Variants in TSBP1 observed in about 807,000 individuals in gnomAD.
TSBP1 encodes the protein testis-expressed basic protein 1.
TSBP1 carries 56 observed loss-of-function variants against 68.8 expected under a neutral mutation model. The observed-to-expected ratio is 0.81, with a 90% CI of 0.66 to 1.02. The LOEUF (loss-of-function observed/expected upper bound fraction) is 1.02. TSBP1 is among the 50% of genes least tolerant of loss of function. The pLI, the probability that TSBP1 is intolerant of heterozygous loss-of-function variation, is 0.00. For missense variants in TSBP1, 502 were observed against 641.2 expected (o/e 0.78, Z 2.34); for synonymous variants, 171 against 208.7 (o/e 0.82, Z 1.56).
chr6:32,339,045 A>C, intron 10 of TSBP1, 46 bp from the exon 12 acceptor site: 1 of 1,544,876 alleles, frequency 6.5e-7, no homozygotes, highest in African/African-American at 1.4e-5. Flanking sequence ...GCATGACTCA[A>C]GGGTGTTTAT....
rs1298015073 is a variant in TSBP1, at chr6:32,333,273, G to A, written c.473-1219C>T. On this transcript the variant is annotated intron_variant, in intron 14 of 22. Coordinates refer to ENST00000612031, the Ensembl canonical transcript of TSBP1. This position sits in a 1 kb window ranked among gnomAD's most constrained non-coding sequence, Gnocchi z 4.2. ...GATCCCCTGGTCTTAGCCTCCCAAA[G>A]TGCTGGGATTACTGCACCCAGCCGA... Among the ~76,000 whole-genome samples the A allele has an allele frequency of 6.6e-6, 1 of 151,946 alleles. No homozygotes were observed. Among genetic ancestry groups the A allele is most frequent in the East Asian group, 1.9e-4 (1 of 5,184 alleles).
rs7751028 is a variant in TSBP1, at chr6:32,293,237, C to T, written c.1436G>A (p.Gly479Asp). The change falls in exon 23 of 23, where the codon GGT becomes GAT. Residue 479 changes from glycine to aspartate, a missense_variant. Coordinates refer to ENST00000612031, the Ensembl canonical transcript of TSBP1. ...TTGGGCTTCCTGTCCTTTTAGTACA[C>T]CTGACTCACTCTTCTTTACTTGGGA... The T allele has an allele frequency of 3.7e-6, 6 of 1,612,066 alleles. No homozygotes were observed. The Admixed American group carries it at 8.3e-5, about 22-fold the overall frequency.
chr6:32,359,457 T>G (rs190341695), intron 6 of TSBP1, among the ~76,000 whole-genome samples: 6 of 152,354 alleles, frequency 3.9e-5, no homozygotes, highest in Admixed American at 3.9e-4. Context: ...TTTAGAAGTC[T>G]CTGTTCATAT....
chr6:32,298,729 G>A (rs6906662), intron 22 of TSBP1, among the ~76,000 whole-genome samples: 10,359 of 152,294 alleles, frequency 0.068, 409 homozygotes, highest in South Asian at 0.098. Flanking sequence ...GTTTGTGTCA[G>A]TGTTTGGAAT....
chr6:32,368,328 A>G (rs771202591), intron 3 of TSBP1, among the ~76,000 whole-genome samples: 43 of 152,154 alleles, frequency 2.8e-4, no homozygotes, highest in Non-Finnish European at 4.7e-4. Flanking sequence ...TCAATTCTTC[A>G]CATCCTGAAG....
chr6:32,329,518 A>G (rs978173249), intron 16 of TSBP1, among the ~76,000 whole-genome samples: 8 of 152,218 alleles, frequency 5.3e-5, no homozygotes, highest in Admixed American at 5.2e-4. Flanking sequence ...TAGAACCAGA[A>G]TTCAGGGCAG....
chr6:32,306,907 A>AT lies in TSBP1; in HGVS notation c.581-4279dup, dbSNP rs1765822146. ...AAAGTATTCATTTTGCAGTATTTCC[A>AT]TTTTTTTAGTGCATTTTCTTATGAT... On this transcript the variant is annotated intron_variant, in intron 19 of 22. Transcript: ENST00000612031. The surrounding 1 kb of genome is among the most constrained non-coding windows in gnomAD (Gnocchi z 5.1). Among the ~76,000 whole-genome samples the AT allele has an allele frequency of 6.6e-6, 1 of 151,958 alleles. No homozygotes were observed. The highest frequency in any genetic ancestry group is 2.1e-4 in the South Asian group (1 of 4,816).
At position 32,343,808 on chromosome 6, in the gene TSBP1, C is replaced by T. The variant is rs774709691; in HGVS notation, c.350-4170G>A. On this transcript the variant is annotated intron_variant, in intron 9 of 22. Coordinates refer to ENST00000612031, the Ensembl canonical transcript of TSBP1. The surrounding 1 kb of genome is among the most constrained non-coding windows in gnomAD (Gnocchi z 4.3). ...ATTCCTTAAACATTTTTTTCTTTAA[C>T]GTACTGACCATCTTCCCTCTCCAAC... Among the ~76,000 whole-genome samples the T allele has an allele frequency of 2.8e-4, 42 of 152,192 alleles. No individual in the cohort carries two copies. The highest frequency in any genetic ancestry group is 1.1e-3 in the Admixed American group (17 of 15,292).
intron 2 of TSBP1, among the ~76,000 whole-genome samples, chr6:32,369,612 G>A (rs1048418891): frequency 2.6e-5 from 4 of 152,152 alleles, no homozygotes; most frequent in Non-Finnish European, 2.9e-5. Context: ...CTTGTGATCC[G>A]CCCGCCTTGG....
chr6:32,310,761 A>ATATATATATTTTTTTTTTTTTTTTTTT, intron 19 of TSBP1, among the ~76,000 whole-genome samples: 10 of 144,826 alleles, frequency 6.9e-5, no homozygotes, highest in South Asian at 2.2e-4. Context: ...ATATATATAT[A>ATATATATATTTTTTTTTTTTTTTTTTT]TTTTTAATCT....
Position 32,335,066 on chromosome 6 carries a change from C to G in TSBP1, c.472+371G>C, listed in dbSNP as rs73396921. Among the ~76,000 whole-genome samples the G allele has an allele frequency of 3.7e-3, 569 of 152,052 alleles. 3 individuals are homozygous for G. The highest frequency in any genetic ancestry group is 0.012 in the African/African-American group (511 of 41,464). On this transcript the variant is annotated intron_variant, in intron 14 of 22. Transcript: ENST00000612031. The surrounding 1 kb of genome is among the most constrained non-coding windows in gnomAD (Gnocchi z 5.5). ...ATAAAGAAAGGAAACTTAAAATTTG[C>G]ATTATTTTACAAAGTGAAGATAATC...
chr6:32,301,055 C>T (rs114555625), intron 20 of TSBP1, among the ~76,000 whole-genome samples: 7,000 of 151,904 alleles, frequency 0.046, 360 homozygotes, highest in African/African-American at 0.13. Context: ...TTTTTTGAGA[C>T]AGGGTCTCAG....
At position 32,316,369 on chromosome 6, in the gene TSBP1, G is replaced by T. The variant is rs1485004435; in HGVS notation, c.560-577C>A. On this transcript the variant is annotated intron_variant, in intron 18 of 22. Coordinates refer to ENST00000612031, the Ensembl canonical transcript of TSBP1. This position sits in a 1 kb window ranked among gnomAD's most constrained non-coding sequence, Gnocchi z 4.5. ...GTGAAGGGGACCAAAGAGAACCAAA[G>T]TAGAAAAAGACATGTAATACTTACT... The T allele has an allele frequency of 5.7e-6, 9 of 1,568,832 alleles. No homozygotes were observed. The highest frequency in any genetic ancestry group is 2.3e-5 in the East Asian group (1 of 43,438).
At position 32,306,703 on chromosome 6, in the gene TSBP1, C is replaced by A. The variant is rs1325321420; in HGVS notation, c.581-4074G>T. On this transcript the variant is annotated intron_variant, in intron 19 of 22. Coordinates refer to ENST00000612031, the Ensembl canonical transcript of TSBP1. This position sits in a 1 kb window ranked among gnomAD's most constrained non-coding sequence, Gnocchi z 5.1. Reference sequence around the variant, plus strand: ...ATGGAACTATTATTCAATTTAAGAACATATAAAGCAAGTTGTCTGTCCCTC... The same window carrying A: ...ATGGAACTATTATTCAATTTAAGAAAATATAAAGCAAGTTGTCTGTCCCTC... 6.6e-6 allele frequency among the ~76,000 whole-genome samples: 1 copy of A among 152,130 alleles called. No individual in the cohort carries two copies. The highest frequency in any genetic ancestry group is 1.5e-5 in the Non-Finnish European group (1 of 68,012).
Position 32,365,554 on chromosome 6 carries a change from G to A in TSBP1, c.217+613C>T. The A allele has an allele frequency of 2.2e-6, 1 of 456,494 alleles. No homozygotes were observed. The highest frequency in any genetic ancestry group is 4.4e-6 in the Non-Finnish European group (1 of 226,848). The allele number at this position is 456,494 out of a possible 1,614,324, so 28.3% of individuals were successfully genotyped here. A position where few individuals can be genotyped will look rare whatever the true frequency, so the allele number is the denominator to read the frequency against. On this transcript the variant is annotated intron_variant, in intron 6 of 22. Transcript: ENST00000612031. This position sits in a 1 kb window ranked among gnomAD's most constrained non-coding sequence, Gnocchi z 4.3. ...CCTCTCCTAACCATTCAACTATGCT[G>A]ATCATCTCAATGTTCTGGGTGGAGT...
intron 19 of TSBP1, among the ~76,000 whole-genome samples, chr6:32,303,195 G>C (rs1765470315): frequency 6.6e-6 from 1 of 152,028 alleles, no homozygotes; most frequent in South Asian, 2.1e-4. Flanking sequence ...ATATTGCCTG[G>C]CTAATTCTCT....
intron 22 of TSBP1, among the ~76,000 whole-genome samples, chr6:32,297,031 CAGGATTTAT>C (rs1764794529): frequency 2.6e-5 from 4 of 152,104 alleles, no homozygotes; most frequent in African/African-American, 9.7e-5. Flanking sequence ...ATTAGATTTA[CAGGATTTAT>C]TTTTGAGTAA....
At chr6:32,322,635 C>G in intron 18 of TSBP1, 129 bp from the exon 20 acceptor site, 2 of 665,634 alleles carry the variant, frequency 3.0e-6, no homozygotes, top group East Asian at 5.1e-5. Context: ...TATTCCAAAC[C>G]ACCCTATAGA....
At position 32,357,736 on chromosome 6, in the gene TSBP1, A is replaced by C. The variant is rs933600974; in HGVS notation, c.218-2067T>G. On this transcript the variant is annotated intron_variant, in intron 6 of 22. Coordinates refer to ENST00000612031, the Ensembl canonical transcript of TSBP1. This position sits in a 1 kb window ranked among gnomAD's most constrained non-coding sequence, Gnocchi z 4.7. Reference sequence around the variant, plus strand: ...GATTGGATGAAGAGAGTAGGAAAGGAGTTAAATATCATTCCAAGGTAGATA... The same window carrying C: ...GATTGGATGAAGAGAGTAGGAAAGGCGTTAAATATCATTCCAAGGTAGATA... Among the ~76,000 whole-genome samples the C allele has an allele frequency of 1.3e-5, 2 of 152,202 alleles. No homozygotes were observed. Among genetic ancestry groups the C allele is most frequent in the African/African-American group, 4.8e-5 (2 of 41,438 alleles).
Sources: gnomAD v4.1 joint callset for allele counts (sites outside exome capture counted in the v4.1 genomes callset) on GRCh38, gnomAD v4.1.1 for gene constraint, Gnocchi (gnomAD v3.1) non-coding constraint, MANE v1.5 for transcripts, NCBI Gene and HGNC (gene_info 2026-07-23, HGNC 2026-07-21) for gene names.